KIRREL1: variants seen among roughly 807,000 people sequenced by gnomAD.
The protein encoded by KIRREL1 is kirre like nephrin family adhesion molecule 1.
Under a neutral mutation model 83.3 loss-of-function variants are expected in KIRREL1, and 25 were observed. That is an observed-to-expected ratio of 0.30 (90% CI 0.22 to 0.42). The LOEUF (loss-of-function observed/expected upper bound fraction) is 0.42. KIRREL1 is among the 10% of genes least tolerant of loss of function. KIRREL1 has a pLI of 1.00. For missense variants in KIRREL1, 812 were observed against 1,032.3 expected (o/e 0.79, Z 2.92); for synonymous variants, 388 against 410.4 (o/e 0.95, Z 0.66).
At chr1:158,029,639 T>A (rs1660268794) in intron 1 of KIRREL1, among the ~76,000 whole-genome samples, 1 of 152,168 alleles carries the variant, frequency 6.6e-6, no homozygotes, top group African/African-American at 2.4e-5. Flanking sequence ...AATGAGCACC[T>A]GTAATATAGG....
intron 1 of KIRREL1, among the ~76,000 whole-genome samples, chr1:158,063,453 C>T (rs1212354213): frequency 1.3e-5 from 2 of 152,298 alleles, no homozygotes; most frequent in East Asian, 1.9e-4. Flanking sequence ...CCCATCAAGT[C>T]GGCCCTGATT....
intron 10 of KIRREL1, among the ~76,000 whole-genome samples, chr1:158,090,519 C>T (rs1035285239): frequency 9.2e-5 from 14 of 152,212 alleles, no homozygotes; most frequent in Non-Finnish European, 1.5e-4. Context: ...GGGCAGCAGG[C>T]GGCTGGCCTC....
At chr1:158,031,366 C>T (rs1477714040) in intron 1 of KIRREL1, among the ~76,000 whole-genome samples, 3 of 152,146 alleles carry the variant, frequency 2.0e-5, no homozygotes, top group Non-Finnish European at 4.4e-5. Context: ...TGCACACACA[C>T]GCACTGCCAT....
chr1:158,086,466 G>T, intron 4 of KIRREL1, 130 bp from the exon 5 acceptor site: 1 of 745,374 alleles, frequency 1.3e-6, no homozygotes, highest in Non-Finnish European at 2.2e-6. Context: ...AGAGGTTGTG[G>T]GAGTGAAGGG....
Position 158,089,829 on chromosome 1 carries a change from G to A in KIRREL1, c.1272+11G>A. On this transcript the variant is annotated intron_variant, in intron 10 of 14. Transcript: ENST00000359209. ...CCCCCAGACCGCATAGTGAGTGGCG[G>A]ACCTGCCTGCGGACAGCCAGCCCTC... 1 of 1,612,286 alleles carries A rather than the reference G, an allele frequency of 6.2e-7. No homozygotes were observed. Among genetic ancestry groups the A allele is most frequent in the African/African-American group, 1.3e-5 (1 of 74,930 alleles).
intron 1 of KIRREL1, among the ~76,000 whole-genome samples, chr1:158,028,860 T>G (rs1477763496): frequency 6.6e-6 from 1 of 152,208 alleles, no homozygotes; most frequent in Non-Finnish European, 1.5e-5. Context: ...AAAGTCAGGA[T>G]GCAGAACTTG....
chr1:158,087,795 G>A lies in KIRREL1; in HGVS notation c.702G>A (p.Val234=). 2 of 1,614,126 alleles carry A rather than the reference G, an allele frequency of 1.2e-6. No individual in the cohort carries two copies. The highest frequency in any genetic ancestry group is 1.7e-6 in the Non-Finnish European group (2 of 1,179,998). ...CCCTGTCCATTGAGCCACAGACGGT[G>A]CAGGAGGGTGAGCGTGTTGTCTTTA... ...TVTLSIEPQT[V]QEGERVVFTC... is the part of the protein sequence containing the mutation. Residue 234 remains valine, a synonymous_variant, in exon 6 of 15, where the codon GTG becomes GTA. Coordinates refer to ENST00000359209, the MANE Select transcript of KIRREL1 (RefSeq NM_018240.7).
intron 3 of KIRREL1, among the ~76,000 whole-genome samples, chr1:158,079,114 C>G (rs963626775): frequency 1.3e-5 from 2 of 152,214 alleles, no homozygotes; most frequent in African/African-American, 4.8e-5. Flanking sequence ...CCATCTGTGA[C>G]TCTCTTTCTT....
intron 1 of KIRREL1, among the ~76,000 whole-genome samples, chr1:158,008,020 C>T (rs1220240309): frequency 2.6e-5 from 4 of 152,088 alleles, no homozygotes; most frequent in Non-Finnish European, 5.9e-5. Context: ...AAAGCAAAGC[C>T]GGGAGGCCCC....
At chr1:158,056,110 C>G (rs1022170967) in intron 1 of KIRREL1, among the ~76,000 whole-genome samples, 1 of 152,188 alleles carries the variant, frequency 6.6e-6, no homozygotes, top group African/African-American at 2.4e-5. Context: ...CAGGGATACA[C>G]TCCTCGCCCC....
chr1:158,087,768 G>T lies in KIRREL1; in HGVS notation c.675G>T (p.Val225=). Residue 225 remains valine (V), a synonymous_variant, in exon 6 of 15, where the codon GTG becomes GTT. Transcript: ENST00000359209. ...IELDVHHPPT[V]TLSIEPQTVQ... ...TCTACTTTGCAGACCCTCCTACAGT[G>T]ACCCTGTCCATTGAGCCACAGACGG... is the stretch of plus-strand genomic sequence containing the variant. The T allele has an allele frequency of 6.2e-7, 1 of 1,613,860 alleles. No individual in the cohort carries two copies. Among genetic ancestry groups the T allele is most frequent in the South Asian group, 1.1e-5 (1 of 91,028 alleles).
intron 1 of KIRREL1, among the ~76,000 whole-genome samples, chr1:158,056,401 G>C (rs1661058920): frequency 6.6e-6 from 1 of 152,196 alleles, no homozygotes; most frequent in African/African-American, 2.4e-5. Context: ...GCAGGGCAAG[G>C]TTCTGCACCT....
intron 1 of KIRREL1, among the ~76,000 whole-genome samples, chr1:158,001,438 C>CA (rs1659357252): frequency 6.6e-6 from 1 of 152,034 alleles, no homozygotes; most frequent in Admixed American, 6.6e-5. Context: ...TTATGTGGAC[C>CA]AAAAAATATG....
rs369218786 is a variant in KIRREL1 at position 158,037,781 on chromosome 1, GGTAGCA to G, written c.53-38329_53-38324del. Among the ~76,000 whole-genome samples, 15 of 152,322 alleles carry G rather than the reference GGTAGCA, an allele frequency of 9.8e-5. No homozygotes were observed. The Middle Eastern group carries it at 0.017, about 173-fold the overall frequency. Reference sequence around the variant, plus strand: ...TTGCAGCCTCACTTTGGGGTTTCCAGGTAGCAGTTGGCTTGTTGTCCTGAGTGTCCT... The same window carrying G: ...TTGCAGCCTCACTTTGGGGTTTCCAGGTTGGCTTGTTGTCCTGAGTGTCCT... On this transcript the variant is annotated intron_variant, in intron 1 of 14. Transcript: ENST00000359209.
chr1:158,086,531 T>C (rs968267945), intron 4 of KIRREL1, 65 bp from the exon 5 acceptor site: 11 of 1,503,840 alleles, frequency 7.3e-6, no homozygotes, highest in South Asian at 1.3e-5. Context: ...CTGAGTGAGG[T>C]CAACTTAAGA....
intron 1 of KIRREL1, among the ~76,000 whole-genome samples, chr1:158,008,250 G>C (rs2101631670): frequency 6.6e-6 from 1 of 152,160 alleles, no homozygotes; most frequent in Non-Finnish European, 1.5e-5. Flanking sequence ...AGGGACACTT[G>C]GGGTGGTAAG....
chr1:158,005,952 G>C (rs1659507534), intron 1 of KIRREL1, among the ~76,000 whole-genome samples: 1 of 152,080 alleles, frequency 6.6e-6, no homozygotes, highest in Non-Finnish European at 1.5e-5. Flanking sequence ...TTATACTTAG[G>C]GAATCCTGTC....
At chr1:158,075,753 A>C (rs1240789602) in intron 1 of KIRREL1, among the ~76,000 whole-genome samples, 1 of 152,208 alleles carries the variant, frequency 6.6e-6, no homozygotes, top group Non-Finnish European at 1.5e-5. Context: ...CAGCTCTGCC[A>C]TTAACTTGCC....
intron 3 of KIRREL1, among the ~76,000 whole-genome samples, chr1:158,081,115 C>T (rs12081373): frequency 0.023 from 3,262 of 141,828 alleles, 528 homozygotes; most frequent in African/African-American, 0.079. Flanking sequence ...AGAAGCCTCC[C>T]ACTCCCCCGC....
Sources: gnomAD v4.1 joint callset for allele counts (sites outside exome capture counted in the v4.1 genomes callset) on GRCh38, gnomAD v4.1.1 for gene constraint, MANE v1.5 for transcripts, NCBI Gene and HGNC (gene_info 2026-07-23, HGNC 2026-07-21) for gene names.